CLASP1: variants seen among roughly 807,000 people sequenced by gnomAD.
CLASP1 encodes the protein CLIP-associating protein 1.
CLASP1 carries 38 observed loss-of-function variants against 192.3 expected under a neutral mutation model. The observed-to-expected ratio is 0.20, with a 90% CI of 0.15 to 0.26. The LOEUF is 0.26. Among genes scored for constraint, CLASP1 ranks in the 10% least tolerant of loss-of-function variants. The probability of loss-of-function intolerance (pLI) is 1.00; values close to 1 mark genes in which losing one functional copy is unlikely to be tolerated. For synonymous variants in CLASP1, 691 were observed against 712.8 expected (o/e 0.97, Z 0.49); for missense variants, 1,433 against 1,932.5 (o/e 0.74, Z 4.85).
Position 121,555,253 on chromosome 2 carries a change from C to T in CLASP1, c.196-24928G>A, listed in dbSNP as rs564459071. On this transcript the variant is annotated intron_variant, in intron 2 of 39. Transcript: ENST00000263710. ...CACTGTGTGTTCTCTCTGCTGTCTG[C>T]TCTTGTGCCTCTTTCAGGACTCGCT... Among the ~76,000 whole-genome samples, 6 of 152,352 alleles carry T rather than the reference C, an allele frequency of 3.9e-5. No homozygotes were observed. In the East Asian group the frequency reaches 9.6e-4, roughly 24 times the overall value.
chr2:121,432,395 G>A (rs1192857865), intron 19 of CLASP1, among the ~76,000 whole-genome samples: 3 of 152,064 alleles, frequency 2.0e-5, no homozygotes, highest in East Asian at 3.9e-4. Context: ...CTGGGATTAC[G>A]GGCAGGAGCC....
At chr2:121,369,556 A>T (rs1392334252) in intron 34 of CLASP1, among the ~76,000 whole-genome samples, 1 of 152,132 alleles carries the variant, frequency 6.6e-6, no homozygotes, top group African/African-American at 2.4e-5. Context: ...ATAAAGCTCA[A>T]CTCCCAATTC....
exon 40 of CLASP1, chr2:121,338,831 GTCTT>G (rs930768208): frequency 2.0e-5 from 3 of 152,226 alleles, no homozygotes; most frequent in African/African-American, 7.2e-5. Flanking sequence ...AAGGAGAAAG[GTCTT>G]TCTAACTGCA....
chr2:121,628,007 TTCAA>T (rs2068706254), intron 1 of CLASP1, among the ~76,000 whole-genome samples: 1 of 152,232 alleles, frequency 6.6e-6, no homozygotes, highest in South Asian at 2.1e-4. Context: ...TCCACCACTA[TTCAA>T]TCATATTTCA....
At chr2:121,589,264 CTTTAG>C (rs2062087736) in intron 2 of CLASP1, among the ~76,000 whole-genome samples, 1 of 152,172 alleles carries the variant, frequency 6.6e-6, no homozygotes, top group African/African-American at 2.4e-5. Context: ...GAAAAACATT[CTTTAG>C]TTTAGGCTAG....
intron 2 of CLASP1, among the ~76,000 whole-genome samples, chr2:121,580,397 T>G (rs2060995850): frequency 6.6e-6 from 1 of 152,218 alleles, no homozygotes; most frequent in South Asian, 2.1e-4. Flanking sequence ...TGTATGCCTA[T>G]TGCGAGGTAT....
intron 2 of CLASP1, among the ~76,000 whole-genome samples, chr2:121,597,971 C>T (rs894741860): frequency 6.6e-6 from 1 of 152,216 alleles, no homozygotes; most frequent in Non-Finnish European, 1.5e-5. Context: ...GAAGGAAGAA[C>T]AGAAGCAGCT....
intron 28 of CLASP1, among the ~76,000 whole-genome samples, chr2:121,399,982 T>C (rs1324331979): frequency 6.6e-6 from 1 of 152,094 alleles, no homozygotes; most frequent in African/African-American, 2.4e-5. Context: ...CATGTCCCAA[T>C]GTGGCCACAA....
intron 6 of CLASP1, among the ~76,000 whole-genome samples, chr2:121,524,894 G>C (rs996303791): frequency 1.3e-5 from 2 of 152,188 alleles, no homozygotes; most frequent in African/African-American, 4.8e-5. Context: ...AGAGAAGGGA[G>C]AGACGCCTGC....
chr2:121,524,051 T>C (rs112792132), intron 6 of CLASP1, among the ~76,000 whole-genome samples: 1,635 of 152,332 alleles, frequency 0.011, 28 homozygotes, highest in Admixed American at 0.053. Flanking sequence ...TGTGGTTTTA[T>C]GTTGCCCCAC....
At chr2:121,567,167 C>G (rs1164488501) in intron 2 of CLASP1, among the ~76,000 whole-genome samples, 1 of 152,218 alleles carries the variant, frequency 6.6e-6, no homozygotes, top group African/African-American at 2.4e-5. Flanking sequence ...GTATGCAGAA[C>G]TGTTCCATAA....
At chr2:121,342,684 TA>T (rs766738276) in intron 39 of CLASP1, among the ~76,000 whole-genome samples, 27 of 152,138 alleles carry the variant, frequency 1.8e-4, no homozygotes, top group Non-Finnish European at 2.6e-4. Flanking sequence ...GTCACGCCTA[TA>T]ATCTCAGCAA....
At position 121,377,467 on chromosome 2, in the gene CLASP1, A is replaced by G. The variant is rs751067652; in HGVS notation, c.3642+32T>C. The G allele has an allele frequency of 3.9e-5, 60 of 1,548,462 alleles. 1 individual carries two copies. In the East Asian group the frequency reaches 1.3e-3, roughly 33 times the overall value. On this transcript the variant is annotated intron_variant, in intron 34 of 39. Coordinates refer to ENST00000263710, the Ensembl canonical transcript of CLASP1. ...TCTCATTATCTGTCATTTAACTCAT[A>G]CAGAGTTCTCTTTTAGCCTAGGGAT...
At chr2:121,620,955 C>T (rs193021574) in intron 1 of CLASP1, among the ~76,000 whole-genome samples, 149 of 152,156 alleles carry the variant, frequency 9.8e-4, no homozygotes, top group African/African-American at 3.4e-3. Flanking sequence ...AAGCCACGCA[C>T]GGTGGCTCAC....
chr2:121,543,530 A>G (rs2095272535), intron 2 of CLASP1, among the ~76,000 whole-genome samples: 1 of 152,052 alleles, frequency 6.6e-6, no homozygotes, highest in African/African-American at 2.4e-5. Flanking sequence ...TATGCTTCCA[A>G]GCTGACCTAC....
rs1559533161 is a variant in CLASP1, at chr2:121,530,889, T to C, written c.196-564A>G. ...AGGGACTTTCTATTATAACCATCCT[T>C]TTCTTGGGGTTGCGCTACTGTCCAA... On this transcript the variant is annotated intron_variant, in intron 2 of 39. Coordinates refer to ENST00000263710, the Ensembl canonical transcript of CLASP1. 7 of 693,524 alleles carry C rather than the reference T, an allele frequency of 1.0e-5. No individual in the cohort carries two copies. Among genetic ancestry groups the C allele is most frequent in the Admixed American group, 6.0e-5 (3 of 49,704 alleles). 43.0% of individuals were successfully genotyped at this position (693,524 alleles called of 1,614,324 possible).
intron 30 of CLASP1, among the ~76,000 whole-genome samples, chr2:121,392,508 G>A (rs1307760749): frequency 6.6e-6 from 1 of 152,162 alleles, no homozygotes; most frequent in African/African-American, 2.4e-5. Flanking sequence ...TCCTGTGGCT[G>A]CAAGCAATCC....
chr2:121,469,735 G>C (rs1232600962), intron 9 of CLASP1, 73 bp downstream of exon 9: 3 of 1,459,356 alleles, frequency 2.1e-6, no homozygotes, highest in Non-Finnish European at 2.7e-6. Context: ...GCCACCACAG[G>C]CAAGTACGTG....
chr2:121,504,135 G>A (rs2093857936), intron 7 of CLASP1: 1 of 152,388 alleles, frequency 6.6e-6, no homozygotes, highest in South Asian at 2.1e-4. Context: ...GGGAGGCTGA[G>A]GCAGGAGAAT....
Sources: gnomAD v4.1 joint callset for allele counts (sites outside exome capture counted in the v4.1 genomes callset) on GRCh38, gnomAD v4.1.1 for gene constraint, MANE v1.5 for transcripts, NCBI Gene and HGNC (gene_info 2026-07-23, HGNC 2026-07-21) for gene names.